DSCAM: variants seen among roughly 807,000 people sequenced by gnomAD.
The protein encoded by DSCAM is cell adhesion molecule DSCAM.
A neutral mutation model predicts 217.7 loss-of-function variants in DSCAM; 47 were observed. The observed-to-expected ratio is 0.22, with a 90% CI of 0.17 to 0.28. The LOEUF (loss-of-function observed/expected upper bound fraction) is 0.28, where lower values mean the gene tolerates loss of function less well. Ranked by LOEUF, DSCAM falls within the 10% of genes least tolerant of loss-of-function variation. The pLI, the probability that DSCAM is intolerant of heterozygous loss-of-function variation, is 1.00. For synonymous variants in DSCAM, 1,056 were observed against 1,015.3 expected (o/e 1.04, Z -0.76); for missense variants, 2,080 against 2,618.3 (o/e 0.79, Z 4.49).
chr21:40,713,401 G>T (rs1329002569), intron 1 of DSCAM, among the ~76,000 whole-genome samples: 1 of 152,182 alleles, frequency 6.6e-6, no homozygotes, highest in Non-Finnish European at 1.5e-5. Flanking sequence ...GCTCTCGTGT[G>T]CCTATATGGA....
intron 3 of DSCAM, among the ~76,000 whole-genome samples, chr21:40,560,015 G>A (rs182668481): frequency 6.6e-5 from 10 of 151,978 alleles, no homozygotes; most frequent in African/African-American, 1.7e-4. Flanking sequence ...GGATGGTCTC[G>A]ATCTCCTGAC....
At chr21:40,732,918 C>A (rs528737632) in intron 1 of DSCAM, among the ~76,000 whole-genome samples, 1 of 152,278 alleles carries the variant, frequency 6.6e-6, no homozygotes, top group Admixed American at 6.5e-5. Context: ...TGGGTAAGAT[C>A]CATGTGATTG....
At chr21:40,164,709 G>A (rs1211875930) in intron 16 of DSCAM, among the ~76,000 whole-genome samples, 1 of 152,134 alleles carries the variant, frequency 6.6e-6, no homozygotes, top group East Asian at 1.9e-4. Context: ...GGCTGAGGCA[G>A]GAGAATTGCT....
intron 3 of DSCAM, among the ~76,000 whole-genome samples, chr21:40,380,604 G>C (rs1186222940): frequency 3.3e-5 from 5 of 152,178 alleles, no homozygotes; most frequent in Non-Finnish European, 4.4e-5. Context: ...GGGTGTGTAT[G>C]TAAGGATTTC....
intron 18 of DSCAM, among the ~76,000 whole-genome samples, chr21:40,140,877 T>C (rs1490115101): frequency 2.0e-5 from 3 of 151,498 alleles, no homozygotes; most frequent in African/African-American, 7.3e-5. Context: ...GTGTTTCCCA[T>C]GAGCTCAGTG....
intron 11 of DSCAM, among the ~76,000 whole-genome samples, chr21:40,241,690 T>G (rs1284621843): frequency 6.6e-6 from 1 of 152,192 alleles, no homozygotes; most frequent in Non-Finnish European, 1.5e-5. Context: ...TAAAGACACA[T>G]GCAAGCAAAT....
At chr21:40,311,292 T>C (rs1352219118) in intron 9 of DSCAM, among the ~76,000 whole-genome samples, 2 of 152,224 alleles carry the variant, frequency 1.3e-5, no homozygotes, top group East Asian at 3.8e-4. Context: ...TAGATTAATG[T>C]ATAGTACTCT....
intron 10 of DSCAM, among the ~76,000 whole-genome samples, chr21:40,292,223 C>G (rs1235002541): frequency 1.4e-5 from 1 of 70,620 alleles, no homozygotes; most frequent in Non-Finnish European, 2.9e-5. Context: ...AAGATTGTTT[C>G]ATTTCTACAA....
intron 3 of DSCAM, among the ~76,000 whole-genome samples, chr21:40,382,852 T>C (rs566509056): frequency 6.6e-6 from 1 of 152,298 alleles, no homozygotes; most frequent in South Asian, 2.1e-4. Context: ...ATGGTATTAA[T>C]AAAATCATGT....
At chr21:40,766,933 G>T (rs910663467) in intron 1 of DSCAM, among the ~76,000 whole-genome samples, 2 of 151,980 alleles carry the variant, frequency 1.3e-5, no homozygotes, top group African/African-American at 4.8e-5. Context: ...TGATCCACCC[G>T]CCTTGGCCTC....
intron 11 of DSCAM, among the ~76,000 whole-genome samples, chr21:40,244,756 G>A (rs939893924): frequency 1.3e-5 from 2 of 152,282 alleles, no homozygotes; most frequent in Non-Finnish European, 2.9e-5. Context: ...AGCCCCAGAA[G>A]TAATCTGATG....
At chr21:40,441,130 G>A (rs1156939071) in intron 3 of DSCAM, among the ~76,000 whole-genome samples, 1 of 152,080 alleles carries the variant, frequency 6.6e-6, no homozygotes, top group Non-Finnish European at 1.5e-5. Flanking sequence ...GGGAGTGTCT[G>A]TCTCTGAGTG....
intron 8 of DSCAM, among the ~76,000 whole-genome samples, chr21:40,324,747 A>G (rs900306873): frequency 4.6e-5 from 7 of 152,178 alleles, no homozygotes; most frequent in African/African-American, 1.7e-4. Flanking sequence ...ACTGTAATAA[A>G]ACTGAGTTAC....
At chr21:40,374,032 A>G (rs1473683112) in intron 3 of DSCAM, among the ~76,000 whole-genome samples, 1 of 138,726 alleles carries the variant, frequency 7.2e-6, no homozygotes, top group African/African-American at 2.8e-5. Context: ...CTATATTTCA[A>G]AATAGCTCAG....
intron 3 of DSCAM, among the ~76,000 whole-genome samples, chr21:40,540,800 C>T (rs2076537259): frequency 6.6e-6 from 1 of 152,100 alleles, no homozygotes; most frequent in South Asian, 2.1e-4. Context: ...TGCCATTACT[C>T]CACCAACAAA....
chr21:40,701,437 T>C (rs1022802338), intron 2 of DSCAM, among the ~76,000 whole-genome samples: 2 of 152,162 alleles, frequency 1.3e-5, no homozygotes, highest in Non-Finnish European at 2.9e-5. Flanking sequence ...TTGATCTCCA[T>C]TCTGATCTTC....
chr21:40,486,158 T>C lies in DSCAM; in HGVS notation c.509-116913A>G, dbSNP rs1293989538. ...ACCCAACTATAAGGAGAGACCCCTA[T>C]CCACTCAGTTGCTAGTGAATATACA... On this transcript the variant is annotated intron_variant, in intron 3 of 32. Coordinates refer to ENST00000400454, the MANE Select transcript of DSCAM (RefSeq NM_001389.5). Among the ~76,000 whole-genome samples, 8 of 152,280 alleles carry C rather than the reference T, an allele frequency of 5.3e-5. No homozygotes were observed. In the South Asian group the frequency reaches 1.5e-3, roughly 28 times the overall value.
intron 3 of DSCAM, among the ~76,000 whole-genome samples, chr21:40,646,236 G>A (rs1384107089): frequency 6.6e-6 from 1 of 152,062 alleles, no homozygotes; most frequent in Admixed American, 6.6e-5. Flanking sequence ...CCAACATGGT[G>A]AAACCCTGTC....
At chr21:40,666,372 G>A (rs892786597) in intron 3 of DSCAM, among the ~76,000 whole-genome samples, 19 of 152,078 alleles carry the variant, frequency 1.2e-4, no homozygotes, top group South Asian at 4.1e-4. Flanking sequence ...GGAGAAAACC[G>A]CGGAACAGAA....
Sources: gnomAD v4.1 joint callset for allele counts (sites outside exome capture counted in the v4.1 genomes callset) on GRCh38, gnomAD v4.1.1 for gene constraint, MANE v1.5 for transcripts, NCBI Gene and HGNC (gene_info 2026-07-23, HGNC 2026-07-21) for gene names.